The following ENAH variants were observed in gnomAD, a reference collection of about 807,000 sequenced individuals.
ENAH encodes the protein protein enabled homolog.
In ENAH, 23 loss-of-function variants were observed where a neutral mutation model predicts 78.7. The observed-to-expected ratio is 0.29, with a 90% CI of 0.21 to 0.41. ENAH has a LOEUF of 0.41. ENAH is among the 10% of genes least tolerant of loss of function. The probability of loss-of-function intolerance (pLI) is 1.00; values close to 1 mark genes in which losing one functional copy is unlikely to be tolerated. For missense variants in ENAH, 544 were observed against 691.0 expected, an observed-to-expected ratio of 0.79 and a Z score of 2.39; for synonymous variants, 226 against 241.0, an observed-to-expected ratio of 0.94 and a Z score of 0.58.
At chr1:225,580,912 CAAA>C (rs78529288) in intron 1 of ENAH, among the ~76,000 whole-genome samples, 8 of 63,908 alleles carry the variant, frequency 1.3e-4, no homozygotes, top group African/African-American at 1.7e-4. Flanking sequence ...AGAAAAAAAC[CAAA>C]AAAAAAAAAA....
rs1173189102 is a variant in ENAH, at chr1:225,492,021, GCTCT to G, written c.*5750_*5753del. Reference sequence around the variant, plus strand: ...GAATAAATGTAGTCTAACAAACTGGGCTCTCTAATGAAATATGTAAGCTTTTCTA... The same window carrying G: ...GAATAAATGTAGTCTAACAAACTGGGCTAATGAAATATGTAAGCTTTTCTA... On this transcript the variant is annotated 3_prime_UTR_variant, in exon 14 of 14. Coordinates refer to ENST00000366843, the MANE Select transcript of ENAH (RefSeq NM_018212.6). 5.9e-5 allele frequency: 9 copies of G among 152,028 alleles called. No homozygotes were observed. The highest frequency in any genetic ancestry group is 2.1e-4 in the South Asian group (1 of 4,806). The allele number at this position is 152,028 out of a possible 1,614,324, so 9.4% of individuals were successfully genotyped here.
intron 1 of ENAH, among the ~76,000 whole-genome samples, chr1:225,632,862 T>C (rs977351996): frequency 1.3e-5 from 2 of 152,180 alleles, no homozygotes; most frequent in Non-Finnish European, 1.5e-5. Context: ...GTAAGGTGCA[T>C]ATAGGCTTGG....
chr1:225,615,696 C>A (rs993386653), intron 1 of ENAH, among the ~76,000 whole-genome samples: 2 of 150,840 alleles, frequency 1.3e-5, no homozygotes, highest in African/African-American at 4.9e-5. Context: ...CCAGCCGCGA[C>A]CCCGTCTGGG....
chr1:225,584,593 C>T (rs536822942), intron 1 of ENAH, among the ~76,000 whole-genome samples: 1 of 152,200 alleles, frequency 6.6e-6, no homozygotes, highest in Admixed American at 6.5e-5. Context: ...TGACTAAACA[C>T]TCTCATTAAA....
chr1:225,525,965 T>A (rs550670023), intron 4 of ENAH, among the ~76,000 whole-genome samples: 4 of 152,176 alleles, frequency 2.6e-5, no homozygotes, highest in Non-Finnish European at 5.9e-5. Flanking sequence ...GCTAGCAAAC[T>A]GTATACAGCC....
At chr1:225,531,957 T>G (rs542683101) in intron 3 of ENAH, among the ~76,000 whole-genome samples, 144 of 152,208 alleles carry the variant, frequency 9.5e-4, no homozygotes, top group Admixed American at 3.3e-3. Flanking sequence ...ATATATTTCA[T>G]TAGATTTCCT....
At chr1:225,641,141 G>T (rs934410494) in intron 1 of ENAH, among the ~76,000 whole-genome samples, 3 of 151,708 alleles carry the variant, frequency 2.0e-5, no homozygotes, top group African/African-American at 7.3e-5. Flanking sequence ...GGGATTACAG[G>T]CATGAGCCAC....
intron 1 of ENAH, among the ~76,000 whole-genome samples, chr1:225,621,494 G>A (rs1656919568): frequency 6.6e-6 from 1 of 151,392 alleles, no homozygotes; most frequent in Non-Finnish European, 1.5e-5. Flanking sequence ...GGGTTTCACC[G>A]TTTTAGCCGG....
At chr1:225,529,506 T>C (rs979363917) in intron 4 of ENAH, among the ~76,000 whole-genome samples, 2 of 152,114 alleles carry the variant, frequency 1.3e-5, no homozygotes, top group Admixed American at 6.5e-5. Flanking sequence ...TCACAACATA[T>C]AATCCTCCTT....
chr1:225,619,909 G>A (rs188511907), intron 1 of ENAH, among the ~76,000 whole-genome samples: 1 of 152,226 alleles, frequency 6.6e-6, no homozygotes, highest in East Asian at 1.9e-4. Flanking sequence ...AAAAATGTCT[G>A]GTGATAATTA....
intron 1 of ENAH, among the ~76,000 whole-genome samples, chr1:225,594,416 CCTT>C (rs755391226): frequency 9.2e-5 from 14 of 152,300 alleles, no homozygotes; most frequent in South Asian, 2.1e-4. Context: ...TCCTCCATCA[CCTT>C]CTTAATTGTT....
intron 4 of ENAH, among the ~76,000 whole-genome samples, chr1:225,520,556 A>G (rs1167339986): frequency 4.6e-5 from 7 of 151,970 alleles, no homozygotes; most frequent in Admixed American, 6.6e-5. Flanking sequence ...CCTTTCTCTC[A>G]CTTAATATAT....
At chr1:225,558,627 C>CTTTTTTTTTTTTT (rs71170091) in intron 2 of ENAH, among the ~76,000 whole-genome samples, 7 of 69,218 alleles carry the variant, frequency 1.0e-4, no homozygotes, top group African/African-American at 1.7e-4. Context: ...TAATTTCTGC[C>CTTTTTTTTTTTTT]TTTTTTTTTT....
At chr1:225,604,591 C>G (rs1012569854) in intron 1 of ENAH, among the ~76,000 whole-genome samples, 4 of 149,298 alleles carry the variant, frequency 2.7e-5, no homozygotes, top group African/African-American at 7.4e-5. Flanking sequence ...CGAGACCAGC[C>G]TGGCCAACAT....
In ENAH at chr1:225,648,918, G is replaced by T. The variant is rs377332730; in HGVS notation, c.5+3768C>A. On this transcript the variant is annotated intron_variant, in intron 1 of 13. Coordinates refer to ENST00000366843, the MANE Select transcript of ENAH (RefSeq NM_018212.6). ...AGACCCTAAGGAAGGAAACACAGAA[G>T]AAGGGAACAGCTTCCTCACCTATAA... 3.1e-4 allele frequency among the ~76,000 whole-genome samples: 47 copies of T among 152,188 alleles called. No individual in the cohort carries two copies. In the East Asian group the frequency reaches 8.1e-3, roughly 26 times the overall value.
At chr1:225,602,983 AAAAT>A (rs1189985545) in intron 1 of ENAH, among the ~76,000 whole-genome samples, 27 of 152,144 alleles carry the variant, frequency 1.8e-4, no homozygotes, top group Non-Finnish European at 3.2e-4. Flanking sequence ...CTCAAAAAAA[AAAAT>A]AAACTTGCTT....
rs2096256036 is a variant in ENAH, at chr1:225,497,677, A to C, written c.*98T>G. 1 of 1,226,924 alleles carries C rather than the reference A, an allele frequency of 8.2e-7. No individual in the cohort carries two copies. The highest frequency in any genetic ancestry group is 1.2e-6 in the Non-Finnish European group (1 of 869,554). 76.0% of individuals were successfully genotyped at this position (1,226,924 alleles called of 1,614,324 possible). On this transcript the variant is annotated 3_prime_UTR_variant, in exon 14 of 14. Coordinates refer to ENST00000366843, the MANE Select transcript of ENAH (RefSeq NM_018212.6). Reference sequence around the variant, plus strand: ...TTCTGTTTGTCTCCATTTTCTTCTTACAGCTCATAAATGTAGGGGTTTGCT... The same window carrying C: ...TTCTGTTTGTCTCCATTTTCTTCTTCCAGCTCATAAATGTAGGGGTTTGCT...
intron 1 of ENAH, among the ~76,000 whole-genome samples, chr1:225,583,130 A>T (rs942093014): frequency 9.2e-5 from 14 of 152,178 alleles, no homozygotes; most frequent in African/African-American, 3.4e-4. Flanking sequence ...AATGAAGGCA[A>T]ATAAAGATAT....
rs1375452470 is a variant in ENAH, at chr1:225,496,251, G to A, written c.*1524C>T. 6.6e-6 allele frequency: 1 copy of A among 152,348 alleles called. No homozygotes were observed. The highest frequency in any genetic ancestry group is 1.5e-5 in the Non-Finnish European group (1 of 68,032). The allele number at this position is 152,348 out of a possible 1,614,324, so 9.4% of individuals were successfully genotyped here. Reference sequence around the variant, plus strand: ...CCAGTTTCAAAGGAAAGAAAAGGGAGTGGCTTCCATATAGACAGCACGTGC... The same window carrying A: ...CCAGTTTCAAAGGAAAGAAAAGGGAATGGCTTCCATATAGACAGCACGTGC... On this transcript the variant is annotated 3_prime_UTR_variant, in exon 14 of 14. Transcript: ENST00000366843.
Sources: allele counts gnomAD v4.1 joint callset (sites outside exome capture counted in the v4.1 genomes callset), GRCh38; gene constraint gnomAD v4.1.1; transcripts MANE v1.5; gene names NCBI Gene and HGNC (gene_info 2026-07-23, HGNC 2026-07-21).